Variants in SAMTOR observed in about 807,000 individuals in gnomAD.
SAMTOR encodes the protein UPF0532 protein C7orf60.
the SAMTOR span, among the ~76,000 whole-genome samples, chr7:112,825,256 G>A: frequency 6.6e-6 from 1 of 151,696 alleles, no homozygotes. Context: ...CGAACTTTTG[G>A]ACTCCAACAA....
At chr7:112,912,723 C>T in the SAMTOR span, among the ~76,000 whole-genome samples, 1 of 151,580 alleles carries the variant, frequency 6.6e-6, no homozygotes, top group Non-Finnish European at 1.5e-5. Context: ...TGCCACTGTT[C>T]TTTTTTTAAC....
At chr7:112,826,919 G>A in the SAMTOR span, among the ~76,000 whole-genome samples, 2 of 152,068 alleles carry the variant, frequency 1.3e-5, no homozygotes, top group Non-Finnish European at 2.9e-5. Context: ...TTTTATCAAT[G>A]TTTATGTTTC....
chr7:112,850,813 C>A, the SAMTOR span, among the ~76,000 whole-genome samples: 3 of 152,136 alleles, frequency 2.0e-5, no homozygotes, highest in African/African-American at 4.8e-5. Context: ...CTCAGTTAAT[C>A]CAGCTAGCAG....
the SAMTOR span, among the ~76,000 whole-genome samples, chr7:112,854,057 G>T: frequency 2.6e-5 from 4 of 152,036 alleles, no homozygotes; most frequent in Non-Finnish European, 5.9e-5. Flanking sequence ...TGTTAGATGA[G>T]AAGTGGGTAA....
At chr7:112,822,429 T>C in the SAMTOR span, 7 of 1,401,414 alleles carry the variant, frequency 5.0e-6, no homozygotes, top group Non-Finnish European at 6.8e-6. Context: ...TCCACTTTAG[T>C]ACATAGACTT....
the SAMTOR span, chr7:112,939,836 C>CT: frequency 2.8e-6 from 3 of 1,086,160 alleles, no homozygotes; most frequent in Non-Finnish European, 3.9e-6. Flanking sequence ...GAGGGAGCTG[C>CT]GGAGGCAGCA....
chr7:112,884,769 A>C, the SAMTOR span, among the ~76,000 whole-genome samples: 24 of 152,250 alleles, frequency 1.6e-4, no homozygotes, highest in Admixed American at 5.2e-4. Context: ...GGTGGATCTA[A>C]CCATTCTAGG....
chr7:112,868,692 C>T, the SAMTOR span, among the ~76,000 whole-genome samples: 1 of 152,206 alleles, frequency 6.6e-6, no homozygotes, highest in Non-Finnish European at 1.5e-5. Flanking sequence ...CCACTGCAGA[C>T]ATTTTAGTAT....
At chr7:112,869,837 G>A in the SAMTOR span, among the ~76,000 whole-genome samples, 1 of 152,110 alleles carries the variant, frequency 6.6e-6, no homozygotes, top group Non-Finnish European at 1.5e-5. Flanking sequence ...TCCAGGAGTT[G>A]AAAGATAATA....
chr7:112,887,949 C>T, the SAMTOR span, among the ~76,000 whole-genome samples: 2 of 152,004 alleles, frequency 1.3e-5, no homozygotes, highest in African/African-American at 4.8e-5. Flanking sequence ...TCATTAATTT[C>T]TGTTCTAATT....
chr7:112,917,897 A>G, the SAMTOR span, among the ~76,000 whole-genome samples: 1 of 152,190 alleles, frequency 6.6e-6, no homozygotes, highest in Non-Finnish European at 1.5e-5. Flanking sequence ...AAGTTTAGAG[A>G]AAAAAGAATA....
chr7:112,866,709 G>A, the SAMTOR span, among the ~76,000 whole-genome samples: 5 of 152,294 alleles, frequency 3.3e-5, no homozygotes, highest in Middle Eastern at 3.4e-3. Context: ...AAACTTCATG[G>A]TAGAAGGTTT....
chr7:112,907,839 TTAC>T, the SAMTOR span, among the ~76,000 whole-genome samples: 16 of 111,214 alleles, frequency 1.4e-4, no homozygotes, highest in African/African-American at 4.1e-4. Context: ...GTATTCTTAC[TTAC>T]TTATTTATTT....
chr7:112,901,929 C>T, the SAMTOR span, among the ~76,000 whole-genome samples: 4,080 of 152,104 alleles, frequency 0.027, 139 homozygotes, highest in South Asian at 0.074. Flanking sequence ...TGTGATACAT[C>T]TAGACAACAG....
At chr7:112,909,087 TCTAG>T in the SAMTOR span, among the ~76,000 whole-genome samples, 1 of 152,222 alleles carries the variant, frequency 6.6e-6, no homozygotes, top group Non-Finnish European at 1.5e-5. Context: ...ACTGCCCATT[TCTAG>T]AAAAGACATG....
At chr7:112,858,746 A>G in the SAMTOR span, among the ~76,000 whole-genome samples, 15 of 152,316 alleles carry the variant, frequency 9.8e-5, no homozygotes, top group Middle Eastern at 3.4e-3. Context: ...TATGTTCCTA[A>G]AAGTAGAGAA....
chr7:112,826,673 C>T, the SAMTOR span, among the ~76,000 whole-genome samples: 1 of 152,036 alleles, frequency 6.6e-6, no homozygotes, highest in Admixed American at 6.5e-5. Context: ...TACTGCTCTT[C>T]TTTTTTCTTC....
At chr7:112,939,410 G>A in the SAMTOR span, 2 of 871,058 alleles carry the variant, frequency 2.3e-6, no homozygotes, top group South Asian at 1.7e-5. Flanking sequence ...AAAGGGGGCG[G>A]GGAGGAGCGC....
chr7:112,921,952 C>G, the SAMTOR span, among the ~76,000 whole-genome samples: 2 of 151,124 alleles, frequency 1.3e-5, no homozygotes, highest in South Asian at 4.2e-4. Context: ...TCCCCCTCTC[C>G]CTCTCCCTCT....
Sources: allele counts gnomAD v4.1 joint callset (sites outside exome capture counted in the v4.1 genomes callset), GRCh38; gene constraint gnomAD v4.1.1; transcripts MANE v1.5; gene names NCBI Gene and HGNC (gene_info 2026-07-23, HGNC 2026-07-21).